PIP4K2A: variants seen among roughly 807,000 people sequenced by gnomAD.
The protein encoded by PIP4K2A is phosphatidylinositol 5-phosphate 4-kinase type-2 alpha.
Under a neutral mutation model 42.9 loss-of-function variants are expected in PIP4K2A, and 14 were observed. The observed-to-expected ratio is 0.33, with a 90% CI of 0.22 to 0.51. The LOEUF (loss-of-function observed/expected upper bound fraction) is 0.51. Among genes scored for constraint, PIP4K2A ranks in the 20% least tolerant of loss-of-function variants. PIP4K2A has a pLI of 0.97. For missense variants in PIP4K2A, 434 were observed against 519.8 expected (o/e 0.83, Z 1.61); for synonymous variants, 192 against 192.2 (o/e 1.00, Z 0.01).
intron 1 of PIP4K2A, among the ~76,000 whole-genome samples, chr10:22,703,861 G>A (rs1334369622): frequency 6.6e-6 from 1 of 152,038 alleles, no homozygotes; most frequent in Non-Finnish European, 1.5e-5. Context: ...AGAAGGAGTG[G>A]GGAGAAAAAA....
chr10:22,649,672 G>C (rs1348926704), intron 1 of PIP4K2A, among the ~76,000 whole-genome samples: 1 of 152,176 alleles, frequency 6.6e-6, no homozygotes, highest in Non-Finnish European at 1.5e-5. Context: ...ACCTCCAAGG[G>C]AGGGGCATGC....
At chr10:22,576,594 G>A (rs1358864157) in intron 4 of PIP4K2A, among the ~76,000 whole-genome samples, 2 of 152,170 alleles carry the variant, frequency 1.3e-5, no homozygotes, top group Admixed American at 1.3e-4. Flanking sequence ...CCTTGGGACA[G>A]TTATTCAACC....
chr10:22,570,978 G>C (rs1382713582), intron 5 of PIP4K2A, among the ~76,000 whole-genome samples: 1 of 152,098 alleles, frequency 6.6e-6, no homozygotes, highest in Non-Finnish European at 1.5e-5. Context: ...AAGATGGTGT[G>C]TCATACAAGT....
chr10:22,681,464 C>CA (rs1839658791), intron 1 of PIP4K2A, among the ~76,000 whole-genome samples: 1 of 152,116 alleles, frequency 6.6e-6, no homozygotes, highest in African/African-American at 2.4e-5. Flanking sequence ...GTTTAAGTTT[C>CA]AGAGTTTGAG....
intron 1 of PIP4K2A, among the ~76,000 whole-genome samples, chr10:22,707,859 G>T (rs1402808405): frequency 6.6e-6 from 1 of 152,184 alleles, no homozygotes; most frequent in Admixed American, 6.5e-5. Flanking sequence ...GAATTAAAAG[G>T]ATCCTTGAAC....
At chr10:22,568,677 C>T (rs1205666170) in intron 5 of PIP4K2A, among the ~76,000 whole-genome samples, 2 of 152,090 alleles carry the variant, frequency 1.3e-5, no homozygotes, top group Non-Finnish European at 2.9e-5. Flanking sequence ...CCTCGGAGGC[C>T]GACGGGGAGG....
rs1837893840 is a variant in PIP4K2A at position 22,605,796 on chromosome 10, A to G, written c.339+2131T>C. ...ACTGGTGTTCAGCTTTTCTTAAGGCAGAGGAGATTTTCTTAAGACACTGAA... is the reference window on the plus strand; with the variant it reads ...ACTGGTGTTCAGCTTTTCTTAAGGCGGAGGAGATTTTCTTAAGACACTGAA... On this transcript the variant is annotated intron_variant, in intron 3 of 9. Transcript: ENST00000376573. Among the ~76,000 whole-genome samples the G allele has an allele frequency of 2.0e-5, 3 of 152,124 alleles. No individual in the cohort carries two copies. In the South Asian group the frequency reaches 6.2e-4, roughly 32 times the overall value.
intron 7 of PIP4K2A, among the ~76,000 whole-genome samples, chr10:22,547,802 G>C (rs545963849): frequency 5.3e-5 from 8 of 152,312 alleles, no homozygotes; most frequent in African/African-American, 1.9e-4. Context: ...ACACCGATCT[G>C]TGTGTGTGTT....
rs189665306 is a variant in PIP4K2A at position 22,711,011 on chromosome 10, C to A, written c.144+3172G>T. The stretch of plus-strand genomic sequence containing the variant: ...CATCTTAAGACGCTTACTGTTTGAT[C>A]ATTTTTAGTTTAATTCTAAATGTAA... On this transcript the variant is annotated intron_variant, in intron 1 of 9. Coordinates refer to ENST00000376573, the MANE Select transcript of PIP4K2A (RefSeq NM_005028.5). 8.5e-5 allele frequency among the ~76,000 whole-genome samples: 13 copies of A among 152,314 alleles called. No homozygotes were observed. The East Asian group carries it at 2.5e-3, about 29-fold the overall frequency.
intron 5 of PIP4K2A, 118 bp from the exon 6 acceptor site, chr10:22,568,007 G>A (rs970097932): frequency 3.5e-5 from 31 of 892,222 alleles, no homozygotes; most frequent in Admixed American, 1.4e-4. Flanking sequence ...ACTCTGCTTC[G>A]CAGCCCATGC....
intron 7 of PIP4K2A, among the ~76,000 whole-genome samples, chr10:22,546,704 A>T (rs1439892522): frequency 6.6e-6 from 1 of 152,170 alleles, no homozygotes; most frequent in African/African-American, 2.4e-5. Context: ...AGCCACCACA[A>T]CAGGCCTCAA....
intron 5 of PIP4K2A, 87 bp from the exon 6 acceptor site, chr10:22,567,976 C>G: frequency 8.3e-7 from 1 of 1,200,848 alleles, no homozygotes; most frequent in South Asian, 1.2e-5. Flanking sequence ...CCAGGCGGAG[C>G]AGAGAGCCAG....
chr10:22,637,955 A>G (rs1023025834), intron 1 of PIP4K2A, among the ~76,000 whole-genome samples: 1 of 152,228 alleles, frequency 6.6e-6, no homozygotes, highest in East Asian at 1.9e-4. Flanking sequence ...CAGTTCTGTA[A>G]TGGATGTATA....
In PIP4K2A at chr10:22,539,634, G is replaced by A. The variant is rs150812878; in HGVS notation, c.1140+337C>T. 2.7e-3 allele frequency: 648 copies of A among 241,562 alleles called. 10 individuals are homozygous for A. Among genetic ancestry groups the A allele is most frequent in the Admixed American group, 9.5e-4 (19 of 20,044 alleles). The allele number at this position is 241,562 out of a possible 1,614,324, so 15.0% of individuals were successfully genotyped here. ...AATTTGTGTAACATCCTAGTGATGC[G>A]CATGCCTGTTAGTGTCCGCCATGTG... is the stretch of plus-strand genomic sequence containing the variant. On this transcript the variant is annotated intron_variant, in intron 9 of 9. Transcript: ENST00000376573.
chr10:22,592,152 T>G (rs1002279592), intron 3 of PIP4K2A, among the ~76,000 whole-genome samples: 3 of 152,224 alleles, frequency 2.0e-5, no homozygotes, highest in Admixed American at 2.0e-4. Context: ...CACTGAGCAT[T>G]TCCTTATATG....
chr10:22,628,462 G>A (rs991888750), intron 1 of PIP4K2A, among the ~76,000 whole-genome samples: 3 of 152,168 alleles, frequency 2.0e-5, no homozygotes, highest in African/African-American at 7.2e-5. Flanking sequence ...TAACGTCAAC[G>A]AAGAGTCAAA....
chr10:22,695,066 C>A (rs1839942336), intron 1 of PIP4K2A, among the ~76,000 whole-genome samples: 1 of 152,106 alleles, frequency 6.6e-6, no homozygotes, highest in Non-Finnish European at 1.5e-5. Context: ...GAATATAGGA[C>A]CAGACCTTCA....
At chr10:22,677,056 G>A (rs1839573942) in intron 1 of PIP4K2A, among the ~76,000 whole-genome samples, 1 of 152,038 alleles carries the variant, frequency 6.6e-6, no homozygotes, top group African/African-American at 2.4e-5. Flanking sequence ...TTATACTTAG[G>A]ACATTATATT....
chr10:22,607,572 C>T (rs1286671079), intron 3 of PIP4K2A, among the ~76,000 whole-genome samples: 1 of 152,152 alleles, frequency 6.6e-6, no homozygotes, highest in African/African-American at 2.4e-5. Flanking sequence ...ACAAAACATG[C>T]ACACTCACAC....
Sources: gnomAD v4.1 joint callset for allele counts (sites outside exome capture counted in the v4.1 genomes callset) on GRCh38, gnomAD v4.1.1 for gene constraint, MANE v1.5 for transcripts, NCBI Gene and HGNC (gene_info 2026-07-23, HGNC 2026-07-21) for gene names.